NOA1: variants seen among roughly 807,000 people sequenced by gnomAD.
NOA1 encodes nitric oxide associated 1.
Under a neutral mutation model 58.4 loss-of-function variants are expected in NOA1, and 35 were observed. That is an observed-to-expected ratio of 0.60 (90% CI 0.46 to 0.79). The LOEUF (loss-of-function observed/expected upper bound fraction) is 0.79. Among genes scored for constraint, NOA1 ranks in the 30% least tolerant of loss-of-function variants. The pLI is 0.00. For synonymous variants in NOA1, 397 were observed against 373.4 expected (o/e 1.06, Z -0.73); for missense variants, 895 against 894.6 (o/e 1.00, Z -0.01).
chr4:56,968,470 T>C lies in NOA1; in HGVS notation c.1561A>G (p.Thr521Ala). The change falls in exon 4 of 7, where the codon ACA becomes GCA. Residue 521 changes from threonine (T) to alanine (A), a missense_variant. By Grantham distance (58) the Thr-to-Ala change is moderately conservative. Around this residue, in one of 3 missense-constraint regions of NOA1, gnomAD observed 3 missense variants for 16.8 expected, o/e 0.18. Transcript: ENST00000264230. ...TEKEVNIVLP[T>A]QSIVPRTFVL... ...AAAGTTCTTGGAACAATGGACTGTG[T>C]TGGCAAAACAATATTTACTTCTTTT... 6.2e-7 allele frequency: 1 copy of C among 1,609,294 alleles called. No individual in the cohort carries two copies. The highest frequency in any genetic ancestry group is 1.1e-5 in the South Asian group (1 of 89,538).
At position 56,964,424 on chromosome 4, in the gene NOA1, T is replaced by C; in HGVS notation, c.1867A>G (p.Ile623Val). Residue 623 changes from isoleucine (I) to valine (V), a missense_variant, in exon 6 of 7, where the codon ATC becomes GTC. Physicochemically the swap from Ile to Val is conservative, Grantham distance 29. Around this residue, in one of 3 missense-constraint regions of NOA1, gnomAD observed 212 missense variants for 221.3 expected, o/e 0.96. Coordinates refer to ENST00000264230, the MANE Select transcript of NOA1 (RefSeq NM_032313.4). ...GLGASEAVAD[I>V]KFSSAGWVSV... The stretch of plus-strand genomic sequence containing the variant: ...AAATTACCTGCAGAGGAAAACTTGA[T>C]GTCGGCCACTGCTTCAGATGCCCCC... 1 of 1,614,160 alleles carries C rather than the reference T, an allele frequency of 6.2e-7. No homozygotes were observed. Among genetic ancestry groups the C allele is most frequent in the Non-Finnish European group, 8.5e-7 (1 of 1,180,022 alleles).
At chr4:56,964,144 C>T (rs191326307) in intron 6 of NOA1, among the ~76,000 whole-genome samples, 3 of 151,592 alleles carry the variant, frequency 2.0e-5, no homozygotes, top group South Asian at 2.1e-4. Context: ...CTAGGCTCAC[C>T]GCAACCTCCG....
Position 56,968,467 on chromosome 4 carries a change from G to T in NOA1, c.1564C>A (p.Gln522Lys), listed in dbSNP as rs146325471. The T allele has an allele frequency of 1.3e-5, 21 of 1,610,712 alleles. No homozygotes were observed. The highest frequency in any genetic ancestry group is 1.7e-5 in the Non-Finnish European group (20 of 1,178,552). The change falls in exon 4 of 7, where the codon CAG becomes AAG. Residue 522 changes from glutamine (Q) to lysine (K), a missense_variant. Physicochemically the swap from Gln to Lys is moderately conservative, Grantham distance 53. Transcript: ENST00000264230. Reference sequence around the variant, plus strand: ...ACAAAAGTTCTTGGAACAATGGACTGTGTTGGCAAAACAATATTTACTTCT... The same window carrying T: ...ACAAAAGTTCTTGGAACAATGGACTTTGTTGGCAAAACAATATTTACTTCT... Reference protein sequence around the residue: ...EKEVNIVLPTQSIVPRTFVLK... With the variant: ...EKEVNIVLPTKSIVPRTFVLK...
Position 56,977,423 on chromosome 4 carries a change from C to A in NOA1, c.163G>T (p.Asp55Tyr), listed in dbSNP as rs1294887184. ...CCAAAGCCCTCCGTGTCCACGGGGTCATAAGGAAGCTCGCGTCCCAGACTC... is the reference window on the plus strand; with the variant it reads ...CCAAAGCCCTCCGTGTCCACGGGGTAATAAGGAAGCTCGCGTCCCAGACTC... The part of the protein sequence containing the change: ...SSSLGRELPY[D>Y]PVDTEGFGEG... Residue 55 changes from aspartate (D) to tyrosine (Y), a missense_variant, in exon 1 of 7, where the codon GAC becomes TAC. This residue lies in a region of NOA1 where 680 missense variants were observed against 656.5 expected (regional missense o/e 1.04). Transcript: ENST00000264230. 6.2e-7 allele frequency: 1 copy of A among 1,614,190 alleles called. No homozygotes were observed. The highest frequency in any genetic ancestry group is 1.1e-5 in the South Asian group (1 of 91,084).
chr4:56,963,745 C>T, intron 6 of NOA1, 84 bp from the exon 7 acceptor site: 1 of 912,358 alleles, frequency 1.1e-6, no homozygotes, highest in Non-Finnish European at 1.7e-6. Context: ...AATGGACTAT[C>T]AGAGAACGCT....
At position 56,966,651 on chromosome 4, in the gene NOA1, T is replaced by A. The variant is rs1362885345; in HGVS notation, c.1733A>T (p.Tyr578Phe). The A allele has an allele frequency of 1.9e-6, 3 of 1,612,760 alleles. No individual in the cohort carries two copies. The highest frequency in any genetic ancestry group is 8.5e-7 in the Non-Finnish European group (1 of 1,178,770). ...ITSLDRADAL[Y>F]QKHAGHTLLQ... ...TAACGTATGACCTGCATGCTTCTGA[T>A]ACAGAGCGTCTGCCCTGTCCAAGGA... is the stretch of plus-strand genomic sequence containing the variant. Residue 578 changes from tyrosine to phenylalanine, a missense_variant, in exon 5 of 7, where the codon TAT becomes TTT. Tyr to Phe is a conservative substitution (Grantham distance 22). Around this residue, in one of 3 missense-constraint regions of NOA1, gnomAD observed 212 missense variants for 221.3 expected, o/e 0.96. Coordinates refer to ENST00000264230, the MANE Select transcript of NOA1 (RefSeq NM_032313.4).
In NOA1 at chr4:56,977,561, T is replaced by G; in HGVS notation, c.25A>C (p.Arg9=). Residue 9 remains arginine, a synonymous_variant, in exon 1 of 7, where the codon AGG becomes CGG. Transcript: ENST00000264230. ...CCACGAAGGAAAAGGCTCAGCAGCC[T>G]GAACGGTAGGCGAGCGGGCAGCATG... is the stretch of plus-strand genomic sequence containing the variant. MLPARLPF[R]LLSLFLRGSA... The G allele has an allele frequency of 6.2e-7, 1 of 1,602,226 alleles. No homozygotes were observed. The highest frequency in any genetic ancestry group is 1.3e-5 in the African/African-American group (1 of 74,684).
At chr4:56,974,876 A>G (rs1053820794) in intron 1 of NOA1, among the ~76,000 whole-genome samples, 4 of 150,692 alleles carry the variant, frequency 2.7e-5, no homozygotes, top group African/African-American at 9.8e-5. Context: ...TAAGTTTTGT[A>G]TTTTTAGTAG....
At chr4:56,965,835 CTTT>C (rs10638725) in intron 5 of NOA1, among the ~76,000 whole-genome samples, 1 of 115,078 alleles carries the variant, frequency 8.7e-6, no homozygotes, top group Admixed American at 1.1e-4. Context: ...TAAATTTTCC[CTTT>C]TTTTTTTTTT....
At chr4:56,974,249 A>T (rs1402323288) in intron 1 of NOA1, among the ~76,000 whole-genome samples, 1 of 152,240 alleles carries the variant, frequency 6.6e-6, no homozygotes, top group African/African-American at 2.4e-5. Context: ...ACCATTCAGT[A>T]TAAAAGTAAT....
chr4:56,966,228 T>C lies in NOA1; in HGVS notation c.1764+392A>G, dbSNP rs184409745. On this transcript the variant is annotated intron_variant, in intron 5 of 6. Coordinates refer to ENST00000264230, the MANE Select transcript of NOA1 (RefSeq NM_032313.4). ...TTTTAGTAGAGATGGGGTTTCACCA[T>C]CTTGGCCAGGCTGGTCTTGAACTCC... 7.7e-3 allele frequency among the ~76,000 whole-genome samples: 1,177 copies of C among 152,230 alleles called. 6 individuals carry two copies. The highest frequency in any genetic ancestry group is 0.012 in the Non-Finnish European group (817 of 68,008).
intron 3 of NOA1, among the ~76,000 whole-genome samples, chr4:56,970,512 T>C (rs1721792985): frequency 6.6e-6 from 1 of 151,318 alleles, no homozygotes; most frequent in Non-Finnish European, 1.5e-5. Flanking sequence ...TGGGCTGCAG[T>C]GGCATGATCT....
At chr4:56,973,374 G>T in intron 2 of NOA1, 21 bp from the exon 3 acceptor site, 1 of 1,577,438 alleles carries the variant, frequency 6.3e-7, no homozygotes, top group Non-Finnish European at 8.7e-7. Context: ...TTATAGTAAG[G>T]TTATTAGTCA....
chr4:56,975,692 A>T (rs928047351), intron 1 of NOA1, among the ~76,000 whole-genome samples: 4 of 152,150 alleles, frequency 2.6e-5, no homozygotes, highest in Admixed American at 1.3e-4. Flanking sequence ...CCTGACCAAC[A>T]TAGTGAAACC....
chr4:56,974,081 C>CCACCA, intron 1 of NOA1, 59 bp from the exon 2 acceptor site: 1 of 1,190,260 alleles, frequency 8.4e-7, no homozygotes, highest in Non-Finnish European at 1.2e-6. Context: ...AGAAAATGAA[C>CCACCA]ATTTTTGAGG....
chr4:56,964,068 TTTTG>T (rs1721655169), intron 6 of NOA1, among the ~76,000 whole-genome samples: 1 of 151,978 alleles, frequency 6.6e-6, no homozygotes, highest in African/African-American at 2.4e-5. Context: ...TTTATTCACT[TTTTG>T]TTTTTTTTTT....
intron 3 of NOA1, 76 bp downstream of exon 3, chr4:56,973,072 T>C (rs1721834498): frequency 7.7e-7 from 1 of 1,294,156 alleles, no homozygotes; most frequent in South Asian, 1.2e-5. Flanking sequence ...ATTGGCTGTA[T>C]CTGGGCAGCA....
At chr4:56,973,022 ATTACACTC>A (rs2109619273) in intron 3 of NOA1, 118 bp downstream of exon 3, 1 of 803,796 alleles carries the variant, frequency 1.2e-6, no homozygotes, top group East Asian at 2.5e-5. Context: ...CTCTACATGC[ATTACACTC>A]TTTCTCTATT....
chr4:56,976,727 G>A lies in NOA1; in HGVS notation c.859C>T (p.Gln287Ter). 1 of 1,612,004 alleles carries A rather than the reference G, an allele frequency of 6.2e-7. No individual in the cohort carries two copies. Among genetic ancestry groups the A allele is most frequent in the Non-Finnish European group, 8.5e-7 (1 of 1,179,020 alleles). ...TGTGGCTCGTCCTTGACGGGGCGCT[G>A]TGGCCCTTGGTGGCCAGGGGCCAGC... ...LLLAPGHQGPQRPVKDEPQDG... is the reference protein window; with the variant it reads ...LLLAPGHQGP Residue 287 changes from glutamine (Q) to a stop codon, truncating the protein, a stop_gained, in exon 1 of 7, where the codon CAG becomes TAG. Coordinates refer to ENST00000264230, the MANE Select transcript of NOA1 (RefSeq NM_032313.4). LOFTEE classifies it high-confidence loss of function.
Sources: gnomAD v4.1 joint callset for allele counts (sites outside exome capture counted in the v4.1 genomes callset) on GRCh38, gnomAD v4.1.1 for gene constraint, gnomAD v4.1.1 regional missense constraint, MANE v1.5 for transcripts, NCBI Gene and HGNC (gene_info 2026-07-23, HGNC 2026-07-21) for gene names.